Variants in TBC1D22A observed in about 807,000 individuals in gnomAD.
TBC1D22A encodes putative GTPase activator.
TBC1D22A carries 38 observed loss-of-function variants against 60.2 expected under a neutral mutation model. The observed-to-expected ratio is 0.63, with a 90% confidence interval of 0.49 to 0.83. The LOEUF (loss-of-function observed/expected upper bound fraction) is 0.83. TBC1D22A is among the 40% of genes least tolerant of loss of function. The probability of loss-of-function intolerance (pLI) is 0.00; values close to 1 mark genes in which losing one functional copy is unlikely to be tolerated. For synonymous variants in TBC1D22A, 302 were observed against 281.7 expected, an observed-to-expected ratio of 1.07 and a Z score of -0.72; for missense variants, 628 against 701.0, an observed-to-expected ratio of 0.90 and a Z score of 1.18.
intron 4 of TBC1D22A, among the ~76,000 whole-genome samples, chr22:46,863,121 G>T (rs925423204): frequency 7.2e-5 from 11 of 152,282 alleles, no homozygotes; most frequent in Middle Eastern, 3.4e-3. Flanking sequence ...CTGGTCATGG[G>T]TTAGGTACTC....
Position 46,944,408 on chromosome 22 carries a change from C to CT in TBC1D22A, c.1016-29874dup, listed in dbSNP as rs1032830734. 7.9e-5 allele frequency among the ~76,000 whole-genome samples: 12 copies of CT among 152,122 alleles called. 1 individual carries two copies. The highest frequency in any genetic ancestry group is 8.8e-5 in the Non-Finnish European group (6 of 67,994). ...CTTGCATTAAATTCTATGCATTCCT[C>CT]TTTTTTTTGAGACGGAGTCTTGCTC... On this transcript the variant is annotated intron_variant, in intron 8 of 12. Coordinates refer to ENST00000337137, the MANE Select transcript of TBC1D22A (RefSeq NM_014346.5).
chr22:47,154,531 C>T (rs2067636296), intron 12 of TBC1D22A, among the ~76,000 whole-genome samples: 1 of 152,186 alleles, frequency 6.6e-6, no homozygotes. Flanking sequence ...ACTGTCCATC[C>T]CAGCCCCAAA....
chr22:46,792,022 A>G (rs1198160877), intron 1 of TBC1D22A, among the ~76,000 whole-genome samples: 2 of 152,194 alleles, frequency 1.3e-5, no homozygotes, highest in East Asian at 3.9e-4. Context: ...TGGCCTCCCA[A>G]AGTGCTGGGA....
chr22:47,016,721 G>A (rs1000820807), intron 10 of TBC1D22A, among the ~76,000 whole-genome samples: 2 of 152,196 alleles, frequency 1.3e-5, no homozygotes, highest in Non-Finnish European at 1.5e-5. Context: ...AGGTGGAGCC[G>A]GTCTCACATT....
At chr22:47,114,408 T>G (rs986552956) in intron 12 of TBC1D22A, among the ~76,000 whole-genome samples, 3 of 151,982 alleles carry the variant, frequency 2.0e-5, no homozygotes, top group Admixed American at 1.3e-4. Flanking sequence ...AGTTGGTTCT[T>G]TGATGCCATA....
chr22:46,928,597 C>A (rs1480319904), intron 8 of TBC1D22A, among the ~76,000 whole-genome samples: 2 of 151,848 alleles, frequency 1.3e-5, no homozygotes, highest in African/African-American at 2.4e-5. Context: ...TTTGGTGTTA[C>A]AAATAATACT....
chr22:47,124,040 T>C (rs2066364261), intron 12 of TBC1D22A, among the ~76,000 whole-genome samples: 1 of 152,144 alleles, frequency 6.6e-6, no homozygotes, highest in Non-Finnish European at 1.5e-5. Flanking sequence ...GCTGGGCACA[T>C]GGCAGGTCCA....
intron 12 of TBC1D22A, among the ~76,000 whole-genome samples, chr22:47,138,806 C>T (rs1481788903): frequency 1.3e-5 from 2 of 152,334 alleles, no homozygotes; most frequent in East Asian, 1.9e-4. Flanking sequence ...GGTTCATAGA[C>T]AGCACCCTCT....
At chr22:46,877,901 G>C (rs1467890409) in intron 4 of TBC1D22A, among the ~76,000 whole-genome samples, 1 of 152,196 alleles carries the variant, frequency 6.6e-6, no homozygotes, top group African/African-American at 2.4e-5. Flanking sequence ...AAGGTCGATG[G>C]AATGCAGGGC....
At chr22:46,960,694 C>T (rs1200008248) in intron 8 of TBC1D22A, among the ~76,000 whole-genome samples, 5 of 152,134 alleles carry the variant, frequency 3.3e-5, no homozygotes, top group Non-Finnish European at 5.9e-5. Flanking sequence ...TGCCTGTAAT[C>T]CCAGCATTTT....
At chr22:47,006,120 A>G (rs1460355863) in intron 10 of TBC1D22A, among the ~76,000 whole-genome samples, 1 of 152,174 alleles carries the variant, frequency 6.6e-6, no homozygotes, top group Non-Finnish European at 1.5e-5. Context: ...GTTTGAGGCT[A>G]TTTATGTTTC....
At chr22:46,947,072 C>A (rs2072592601) in intron 8 of TBC1D22A, among the ~76,000 whole-genome samples, 1 of 152,146 alleles carries the variant, frequency 6.6e-6, no homozygotes, top group Non-Finnish European at 1.5e-5. Context: ...CCAGGCCCAG[C>A]CTCCCCAGGC....
In TBC1D22A at chr22:46,762,859, C is replaced by G. The variant is rs1441661424; in HGVS notation, c.62+11C>G. On this transcript the variant is annotated intron_variant, in intron 1 of 12. Transcript: ENST00000337137. Reference sequence around the variant, plus strand: ...CAAGCTCCCGGGCAGGTGGGTGTGCCGCGGAGGGCCAGGTCGGGGTCAGGG... The same window carrying G: ...CAAGCTCCCGGGCAGGTGGGTGTGCGGCGGAGGGCCAGGTCGGGGTCAGGG... 1.4e-6 allele frequency: 2 copies of G among 1,468,394 alleles called. No homozygotes were observed. The highest frequency in any genetic ancestry group is 9.0e-7 in the Non-Finnish European group (1 of 1,116,140). The allele number at this position is 1,468,394 out of a possible 1,614,324, so 91.0% of individuals were successfully genotyped here.
At chr22:46,792,785 C>A (rs756989604) in intron 2 of TBC1D22A, 4 of 1,459,468 alleles carry the variant, frequency 2.7e-6, no homozygotes, top group African/African-American at 2.8e-5. Flanking sequence ...GATGTGGGAG[C>A]CACAGCCTGA....
At chr22:47,013,820 G>A (rs928936314) in intron 10 of TBC1D22A, among the ~76,000 whole-genome samples, 1 of 152,126 alleles carries the variant, frequency 6.6e-6, no homozygotes, top group Non-Finnish European at 1.5e-5. Flanking sequence ...GTACCTTCTG[G>A]GTCAACCCTT....
intron 4 of TBC1D22A, among the ~76,000 whole-genome samples, chr22:46,829,983 A>G (rs1433589878): frequency 1.3e-5 from 2 of 152,206 alleles, no homozygotes; most frequent in East Asian, 3.8e-4. Flanking sequence ...GGGAAATGAG[A>G]CTGGCTTTGT....
intron 12 of TBC1D22A, among the ~76,000 whole-genome samples, chr22:47,115,496 G>T (rs376018207): frequency 5.5e-4 from 84 of 152,280 alleles, no homozygotes; most frequent in Non-Finnish European, 9.4e-4. Flanking sequence ...CCAGACTTTC[G>T]TAGGGTCTTG....
At chr22:47,048,282 C>T (rs73888834) in intron 11 of TBC1D22A, among the ~76,000 whole-genome samples, 7,356 of 152,186 alleles carry the variant, frequency 0.048, 571 homozygotes, top group African/African-American at 0.17. Flanking sequence ...TAGCACTTAC[C>T]GGGTCAGCCC....
intron 6 of TBC1D22A, among the ~76,000 whole-genome samples, chr22:46,894,328 G>A (rs1171054275): frequency 1.3e-5 from 2 of 152,214 alleles, no homozygotes; most frequent in African/African-American, 4.8e-5. Flanking sequence ...GGCTTCCTTT[G>A]AGAAATGTTC....
Sources: gnomAD v4.1 joint callset for allele counts (sites outside exome capture counted in the v4.1 genomes callset) on GRCh38, gnomAD v4.1.1 for gene constraint, MANE v1.5 for transcripts, NCBI Gene and HGNC (gene_info 2026-07-23, HGNC 2026-07-21) for gene names.